The following SYTL2 variants were observed in gnomAD, a reference collection of about 807,000 sequenced individuals.
SYTL2 encodes the protein synaptotagmin-like protein 2.
In SYTL2, 165 loss-of-function variants were observed where a neutral mutation model predicts 198.7. The observed-to-expected ratio is 0.83, with a 90% CI of 0.73 to 0.94. The LOEUF (loss-of-function observed/expected upper bound fraction) is 0.94, where lower values mean the gene tolerates loss of function less well. SYTL2 is among the 40% of genes least tolerant of loss of function. SYTL2 has a pLI of 0.00. For missense variants in SYTL2, 2,835 were observed against 2,582.8 expected, an observed-to-expected ratio of 1.10 and a Z score of -2.12; for synonymous variants, 966 against 917.7, an observed-to-expected ratio of 1.05 and a Z score of -0.95.
At position 85,727,861 on chromosome 11, in the gene SYTL2, C is replaced by T; in HGVS notation, c.1497G>A (p.Lys499=). The change falls in exon 8 of 20, where the codon AAG becomes AAA. Residue 499 remains lysine (K), a synonymous_variant. Transcript: ENST00000359152. Reference sequence around the variant, plus strand: ...CATATGGACCAGAACGTGAAGATGTCTTAGCTTTTAGAGCCGGGAGAGGAG... The same window carrying T: ...CATATGGACCAGAACGTGAAGATGTTTTAGCTTTTAGAGCCGGGAGAGGAG... The part of the protein sequence containing the change: ...KPPPLPALKA[K]TSSRSGPYAT... 6.2e-7 allele frequency: 1 copy of T among 1,612,484 alleles called. No homozygotes were observed. The highest frequency in any genetic ancestry group is 8.5e-7 in the Non-Finnish European group (1 of 1,179,476).
At chr11:85,722,242 G>C (rs1411891683) in intron 8 of SYTL2, among the ~76,000 whole-genome samples, 2 of 138,016 alleles carry the variant, frequency 1.4e-5, no homozygotes, top group Non-Finnish European at 3.0e-5. Flanking sequence ...GCAGTGGCGT[G>C]ATCTCGACTC....
the SYTL2 span, among the ~76,000 whole-genome samples, chr11:85,850,328 A>G: frequency 3.9e-5 from 6 of 152,328 alleles, no homozygotes; most frequent in Admixed American, 3.3e-4. Flanking sequence ...CAAATTTACA[A>G]GAAAAAAACA....
rs1489698635 is a variant in SYTL2, at chr11:85,725,304, T to C, written c.4054A>G (p.Ile1352Val). The change falls in exon 8 of 20, where the codon ATT becomes GTT. Residue 1352 changes from isoleucine (I) to valine (V), a missense_variant. Coordinates refer to ENST00000359152, the MANE Select transcript of SYTL2 (RefSeq NM_206927.4). The stretch of plus-strand genomic sequence containing the variant: ...ATGACTTTCTCTACAGTCTCCGAAA[T>C]TTCCGTTTGAGAAGGGTGTACCCTA... ...QARVHPSQTE[I>V]SETVEKVILP... is the part of the protein sequence containing the mutation. 6.2e-7 allele frequency: 1 copy of C among 1,613,974 alleles called. No individual in the cohort carries two copies. Among genetic ancestry groups the C allele is most frequent in the Non-Finnish European group, 8.5e-7 (1 of 1,180,002 alleles).
At position 85,750,405 on chromosome 11, in the gene SYTL2, T is replaced by C. The variant is rs545291491; in HGVS notation, c.102-1982A>G. Among the ~76,000 whole-genome samples, 7 of 152,276 alleles carry C rather than the reference T, an allele frequency of 4.6e-5. No individual in the cohort carries two copies. In the East Asian group the frequency reaches 9.6e-4, roughly 21 times the overall value. On this transcript the variant is annotated intron_variant, in intron 2 of 19. Coordinates refer to ENST00000359152, the MANE Select transcript of SYTL2 (RefSeq NM_206927.4). ...AGCCCGTTGCTCCTCATCCTTCAAA[T>C]CCAGCTCAAACACTGCCTCACTGGG...
intron 6 of SYTL2, among the ~76,000 whole-genome samples, chr11:85,735,602 C>T (rs567514477): frequency 3.9e-5 from 6 of 152,070 alleles, no homozygotes; most frequent in African/African-American, 1.4e-4. Flanking sequence ...ACTAAAAATA[C>T]AAAAATTAGG....
At chr11:85,764,722 G>A (rs2092192794) in intron 1 of SYTL2, among the ~76,000 whole-genome samples, 1 of 152,160 alleles carries the variant, frequency 6.6e-6, no homozygotes, top group Non-Finnish European at 1.5e-5. Flanking sequence ...AAAATGATCA[G>A]TCCCTTTGGA....
chr11:85,777,809 C>CCTCTT (rs2092478540), intron 1 of SYTL2, among the ~76,000 whole-genome samples: 1 of 65,844 alleles, frequency 1.5e-5, no homozygotes, highest in African/African-American at 5.3e-5. Flanking sequence ...ACAGGTCTTA[C>CCTCTT]TTCTTTTTTT....
At chr11:85,818,647 GTATAAAT>G in the SYTL2 span, among the ~76,000 whole-genome samples, 2 of 116,154 alleles carry the variant, frequency 1.7e-5, no homozygotes, top group African/African-American at 6.5e-5. Context: ...TCATGGTAAT[GTATAAAT>G]TACTATCTAT....
At chr11:85,756,920 C>T (rs948838343) in intron 2 of SYTL2, among the ~76,000 whole-genome samples, 1 of 152,208 alleles carries the variant, frequency 6.6e-6, no homozygotes, top group African/African-American at 2.4e-5. Flanking sequence ...TTCAGGAAGC[C>T]TGTCGCTGCC....
chr11:85,780,839 T>G (rs2092547460), intron 1 of SYTL2, among the ~76,000 whole-genome samples: 1 of 152,254 alleles, frequency 6.6e-6, no homozygotes, highest in African/African-American at 2.4e-5. Flanking sequence ...TACTTGCGAT[T>G]GGCATCTGAA....
chr11:85,715,277 T>C lies in SYTL2; in HGVS notation c.5531-770A>G, dbSNP rs75419326. ...ACACCTAGTTAGAAAACTATTTTCT[T>C]CTTTTTCTAAGAATCACAACATCTA... On this transcript the variant is annotated intron_variant, in intron 11 of 19. Transcript: ENST00000359152. 327 of 152,236 alleles carry C rather than the reference T, an allele frequency of 2.1e-3. 3 individuals carry two copies. The highest frequency in any genetic ancestry group is 7.6e-3 in the African/African-American group (314 of 41,566). 9.4% of individuals were successfully genotyped at this position (152,236 alleles called of 1,614,324 possible). A position where few individuals can be genotyped will look rare whatever the true frequency, so the allele number is the denominator to read the frequency against.
rs137948886 is a variant in SYTL2 at position 85,734,055 on chromosome 11, G to A, written c.1274C>T (p.Ser425Leu). 196 of 1,614,078 alleles carry A rather than the reference G, an allele frequency of 1.2e-4. No individual in the cohort carries two copies. In the African/African-American group the frequency reaches 2.4e-3, roughly 20 times the overall value. ...SFPINGLHSH[S>L]EVLTARPQSM... ...CTGTGGTCTTGCAGTTAAAACTTCT[G>A]AATGAGAATGCAGCCCATTAATTGG... The change falls in exon 7 of 20, where the codon TCA becomes TTA. Residue 425 changes from serine to leucine, a missense_variant. By Grantham distance (145) the Ser-to-Leu change is moderately radical. Around this residue, in one of 3 missense-constraint regions of SYTL2, gnomAD observed 2,645 missense variants for 2,381.7 expected, o/e 1.11. Transcript: ENST00000359152.
the SYTL2 span, among the ~76,000 whole-genome samples, chr11:85,828,884 T>G: frequency 6.6e-6 from 1 of 152,196 alleles, no homozygotes; most frequent in Non-Finnish European, 1.5e-5. Context: ...TGGTTAAGTC[T>G]GCCTGCTGTC....
intron 1 of SYTL2, among the ~76,000 whole-genome samples, chr11:85,772,964 T>A (rs181990204): frequency 6.6e-6 from 1 of 152,324 alleles, no homozygotes; most frequent in Admixed American, 6.5e-5. Flanking sequence ...GCAGTCCCCA[T>A]GATAAATCCT....
the SYTL2 span, among the ~76,000 whole-genome samples, chr11:85,820,340 C>G: frequency 6.6e-6 from 1 of 152,118 alleles, no homozygotes; most frequent in African/African-American, 2.4e-5. Context: ...AAACATTATT[C>G]TGAGAAGGAG....
intron 1 of SYTL2, among the ~76,000 whole-genome samples, chr11:85,800,170 C>G (rs1339589033): frequency 6.6e-6 from 1 of 152,106 alleles, no homozygotes; most frequent in Non-Finnish European, 1.5e-5. Context: ...GAGACCAAAC[C>G]AGAATCTATC....
At position 85,757,607 on chromosome 11, in the gene SYTL2, G is replaced by C. The variant is rs369766248; in HGVS notation, c.101+18C>G. 6.2e-7 allele frequency: 1 copy of C among 1,612,066 alleles called. No homozygotes were observed. The highest frequency in any genetic ancestry group is 8.5e-7 in the Non-Finnish European group (1 of 1,178,854). On this transcript the variant is annotated intron_variant, in intron 2 of 19. Transcript: ENST00000359152. ...GCCTCTTCCTTCCCTCATGCCCAAG[G>C]CTTCTCTGGCCTCTTACCTGACTCT...
intron 12 of SYTL2, among the ~76,000 whole-genome samples, chr11:85,713,864 C>A (rs931092642): frequency 6.6e-6 from 1 of 152,126 alleles, no homozygotes; most frequent in Non-Finnish European, 1.5e-5. Context: ...GGTTGAACCC[C>A]CTTCTAGCTG....
intron 1 of SYTL2, among the ~76,000 whole-genome samples, chr11:85,787,695 C>CCTTTTTTTTTTTTTTT (rs1566023900): frequency 1.9e-5 from 2 of 102,690 alleles, no homozygotes; most frequent in Non-Finnish European, 2.0e-5. Flanking sequence ...GTTTTTTTTT[C>CCTTTTTTTTTTTTTTT]TTTTCCTTTT....
Sources: allele counts gnomAD v4.1 joint callset (sites outside exome capture counted in the v4.1 genomes callset), GRCh38; gene constraint gnomAD v4.1.1; regional missense constraint gnomAD v4.1.1; transcripts MANE v1.5; gene names NCBI Gene and HGNC (gene_info 2026-07-23, HGNC 2026-07-21).